The following EIF2AK4 variants were observed in gnomAD, a reference collection of about 807,000 sequenced individuals.
The protein encoded by EIF2AK4 is eukaryotic translation initiation factor 2 alpha kinase 4.
EIF2AK4 carries 139 observed loss-of-function variants against 211.1 expected under a neutral mutation model. The observed-to-expected ratio is 0.66, with a 90% CI of 0.57 to 0.76. The LOEUF is 0.76. Ranked by LOEUF, EIF2AK4 falls within the 30% of genes least tolerant of loss-of-function variation. EIF2AK4 has a pLI of 0.00. For missense variants in EIF2AK4, 1,664 were observed against 2,043.8 expected, an observed-to-expected ratio of 0.81 and a Z score of 3.58; for synonymous variants, 710 against 751.3, an observed-to-expected ratio of 0.94 and a Z score of 0.90.
intron 6 of EIF2AK4, among the ~76,000 whole-genome samples, chr15:39,958,255 TA>T (rs1166122237): frequency 2.0e-5 from 3 of 152,218 alleles, no homozygotes; most frequent in Non-Finnish European, 4.4e-5. Flanking sequence ...AAAACCTCTA[TA>T]AAATAGCTCA....
intron 7 of EIF2AK4, among the ~76,000 whole-genome samples, chr15:39,964,427 A>G (rs2034514786): frequency 1.3e-5 from 2 of 152,124 alleles, no homozygotes; most frequent in South Asian, 4.1e-4. Context: ...AGGACATTTG[A>G]TGATGTCTGC....
chr15:39,936,349 T>C (rs1170100795), intron 1 of EIF2AK4, among the ~76,000 whole-genome samples: 3 of 152,186 alleles, frequency 2.0e-5, no homozygotes, highest in African/African-American at 4.8e-5. Context: ...AGTTTAGTCA[T>C]TCAACAAGCA....
intron 13 of EIF2AK4, among the ~76,000 whole-genome samples, chr15:39,983,315 T>C (rs1344460750): frequency 6.6e-6 from 1 of 152,260 alleles, no homozygotes; most frequent in Non-Finnish European, 1.5e-5. Context: ...ATGAGCTTTT[T>C]TTCATGTGTT....
rs1232784693 is a variant in EIF2AK4 at position 40,000,976 on chromosome 15, G to A, written c.2923-12G>A. ...TGCATCCCATTAGCAGTGTGCCTGG[G>A]TTTTATTGTAGAAATCAGTCATCTC... On this transcript the variant is annotated splice_polypyrimidine_tract_variant and intron_variant, in intron 20 of 38. Transcript: ENST00000263791. 6.2e-7 allele frequency: 1 copy of A among 1,613,964 alleles called. No individual in the cohort carries two copies. Among genetic ancestry groups the A allele is most frequent in the Non-Finnish European group, 8.5e-7 (1 of 1,179,834 alleles).
chr15:40,001,354 A>C, intron 21 of EIF2AK4, 130 bp downstream of exon 21: 1 of 896,688 alleles, frequency 1.1e-6, no homozygotes, highest in Non-Finnish European at 1.7e-6. Context: ...CCCTAAAAGT[A>C]CATGCAAAAT....
intron 9 of EIF2AK4, among the ~76,000 whole-genome samples, chr15:39,969,276 G>A (rs1020151256): frequency 9.9e-5 from 15 of 151,706 alleles, no homozygotes; most frequent in African/African-American, 3.6e-4. Context: ...GGGCTCGGTA[G>A]GTAAAACTTT....
At position 40,019,186 on chromosome 15, in the gene EIF2AK4, A is replaced by T. The variant is rs762938580; in HGVS notation, c.4159A>T (p.Asn1387Tyr). Residue 1387 changes from asparagine (N) to tyrosine (Y), a missense_variant, in exon 30 of 39, where the codon AAC becomes TAC. Physicochemically the swap from Asn to Tyr is moderately radical, Grantham distance 143 (BLOSUM62 -2). Around this residue, in one of 7 missense-constraint regions of EIF2AK4, gnomAD observed 622 missense variants for 796.8 expected, o/e 0.78. Transcript: ENST00000263791. ...AIDKISAAVL[N>Y]MEESVTISSC... ...AGACAAGATATCTGCTGCTGTCCTCAACATGGAGGAATCTGTAAGTTCTGG... is the reference window on the plus strand; with the variant it reads ...AGACAAGATATCTGCTGCTGTCCTCTACATGGAGGAATCTGTAAGTTCTGG... The T allele has an allele frequency of 1.3e-6, 2 of 1,584,718 alleles. No homozygotes were observed. The highest frequency in any genetic ancestry group is 2.3e-5 in the South Asian group (2 of 85,446).
At position 40,035,490 on chromosome 15, in the gene EIF2AK4, T is replaced by A. The variant is rs1024978331; in HGVS notation, c.*406T>A. 3 of 152,916 alleles carry A rather than the reference T, an allele frequency of 2.0e-5. No homozygotes were observed. The highest frequency in any genetic ancestry group is 2.1e-4 in the South Asian group (1 of 4,822). 9.5% of individuals were successfully genotyped at this position (152,916 alleles called of 1,614,324 possible). ...CTTAAAAAAAAAAAGAAAAAAAAAA[T>A]TTTTTTCTAAGAAGCTGTCCTACAA... On this transcript the variant is annotated 3_prime_UTR_variant, in exon 39 of 39. Transcript: ENST00000263791.
chr15:39,976,488 C>G lies in EIF2AK4; in HGVS notation c.1893C>G (p.Arg631=). The change falls in exon 12 of 39, where the codon CGC becomes CGG. Residue 631 remains arginine, a synonymous_variant. Coordinates refer to ENST00000263791, the MANE Select transcript of EIF2AK4 (RefSeq NM_001013703.4). ...IPINPASRQF[R]RIKGEVTLLS... ...TCAACCCGGCCAGCCGGCAGTTCCG[C>G]AGGATCAAGGGCGAAGTGACACTGC... 1 of 1,612,066 alleles carries G rather than the reference C, an allele frequency of 6.2e-7. No homozygotes were observed. Among genetic ancestry groups the G allele is most frequent in the Non-Finnish European group, 8.5e-7 (1 of 1,179,568 alleles).
At chr15:39,998,606 G>A in intron 19 of EIF2AK4, 125 bp from the exon 20 acceptor site, 1 of 675,784 alleles carries the variant, frequency 1.5e-6, no homozygotes, top group Non-Finnish European at 2.6e-6. Context: ...TTTCAAGAAG[G>A]TATCACCTAT....
intron 4 of EIF2AK4, among the ~76,000 whole-genome samples, chr15:39,950,037 G>T (rs1199485744): frequency 6.6e-6 from 1 of 150,706 alleles, no homozygotes. Context: ...TTTTTTATTT[G>T]TTTTTTCTAT....
intron 33 of EIF2AK4, 168 bp from the exon 34 acceptor site, chr15:40,029,225 TGCTCTTGACCAAA>T (rs2035505834): frequency 1.3e-6 from 1 of 778,268 alleles, no homozygotes; most frequent in Non-Finnish European, 1.6e-6. Context: ...AATTTTTACT[TGCTCTTGACCAAA>T]GCATAACTAA....
intron 32 of EIF2AK4, 132 bp downstream of exon 32, chr15:40,022,737 G>GT: frequency 1.4e-6 from 1 of 720,570 alleles, no homozygotes; most frequent in Non-Finnish European, 2.2e-6. Flanking sequence ...CCATTGTTGG[G>GT]TTTCTTTTTT....
At chr15:39,997,826 A>T (rs2412456) in intron 19 of EIF2AK4, among the ~76,000 whole-genome samples, 36,354 of 152,130 alleles carry the variant, frequency 0.24, 5,342 homozygotes, top group Middle Eastern at 0.34. Flanking sequence ...ATTAAGATGA[A>T]AGTGAAGAGT....
intron 27 of EIF2AK4, among the ~76,000 whole-genome samples, chr15:40,014,826 T>C (rs575776327): frequency 9.9e-4 from 151 of 152,332 alleles, no homozygotes; most frequent in African/African-American, 3.6e-3. Context: ...TGCTCTGTTT[T>C]CCTTTTAAAA....
chr15:39,992,621 T>C (rs1229539902), intron 17 of EIF2AK4, 148 bp from the exon 18 acceptor site: 32 of 659,548 alleles, frequency 4.9e-5, no homozygotes, highest in Non-Finnish European at 1.9e-5. Flanking sequence ...GGTTATTCAT[T>C]TGGTACAATG....
intron 24 of EIF2AK4, 58 bp from the exon 25 acceptor site, chr15:40,007,969 T>G (rs548848989): frequency 7.8e-7 from 1 of 1,284,674 alleles, no homozygotes; most frequent in South Asian, 1.8e-5. Flanking sequence ...CAACAATTTC[T>G]TATACATATT....
chr15:39,990,459 G>A, intron 16 of EIF2AK4, 82 bp downstream of exon 16: 1 of 1,186,472 alleles, frequency 8.4e-7, no homozygotes, highest in Non-Finnish European at 1.2e-6. Flanking sequence ...GGATAGAATA[G>A]TGCGTTCACA....
intron 26 of EIF2AK4, among the ~76,000 whole-genome samples, chr15:40,010,629 G>GA (rs34991267): frequency 0.92 from 140,487 of 152,230 alleles, 65,018 homozygotes; most frequent in Non-Finnish European, 0.95. Flanking sequence ...AACAGCACCA[G>GA]AAGTCTATGG....
Sources: gnomAD v4.1 joint callset for allele counts (sites outside exome capture counted in the v4.1 genomes callset) on GRCh38, gnomAD v4.1.1 for gene constraint, gnomAD v4.1.1 regional missense constraint, MANE v1.5 for transcripts, NCBI Gene and HGNC (gene_info 2026-07-23, HGNC 2026-07-21) for gene names.